Variants in LMNB2 observed in about 807,000 individuals in gnomAD.
LMNB2 encodes lamin-B2.
In LMNB2, 17 loss-of-function variants were observed where a neutral mutation model predicts 69.3. The observed-to-expected ratio is 0.25, with a 90% CI of 0.17 to 0.37. The LOEUF (loss-of-function observed/expected upper bound fraction) is 0.37. Ranked by LOEUF, LMNB2 falls within the 10% of genes least tolerant of loss-of-function variation. LMNB2 has a pLI of 1.00. For missense variants in LMNB2, 789 were observed against 883.6 expected, an observed-to-expected ratio of 0.89 and a Z score of 1.36; for synonymous variants, 397 against 389.3, an observed-to-expected ratio of 1.02 and a Z score of -0.23.
At chr19:2,444,334 G>T in intron 2 of LMNB2, 70 bp downstream of exon 2, 1 of 1,584,148 alleles carries the variant, frequency 6.3e-7, no homozygotes, top group Non-Finnish European at 8.6e-7. Context: ...CGAGCCCAGC[G>T]CCCACCTGCC....
At chr19:2,450,731 G>A (rs1972012492) in intron 1 of LMNB2, among the ~76,000 whole-genome samples, 2 of 151,900 alleles carry the variant, frequency 1.3e-5, no homozygotes, top group Non-Finnish European at 2.9e-5. Flanking sequence ...TCTGCTTCCC[G>A]GGTTCAAGCG....
chr19:2,439,447 A>C (rs1971868459), intron 2 of LMNB2, among the ~76,000 whole-genome samples: 1 of 152,088 alleles, frequency 6.6e-6, no homozygotes, highest in Non-Finnish European at 1.5e-5. Context: ...GGTCCTAGGC[A>C]CTGCAGGGTG....
chr19:2,444,142 C>T, intron 2 of LMNB2, among the ~76,000 whole-genome samples: 1 of 152,204 alleles, frequency 6.6e-6, no homozygotes, highest in Non-Finnish European at 1.5e-5. Context: ...AGGAAGCCCT[C>T]TCTGGGGAGG....
At chr19:2,444,606 G>C in intron 1 of LMNB2, 66 bp from the exon 2 acceptor site, 1 of 1,586,992 alleles carries the variant, frequency 6.3e-7, no homozygotes. Context: ...CAGTCAGGGG[G>C]CCCGGCCACT....
At chr19:2,450,121 C>CATATACATATACATATACATATAT (rs1972004089) in intron 1 of LMNB2, among the ~76,000 whole-genome samples, 7 of 142,364 alleles carry the variant, frequency 4.9e-5, no homozygotes, top group African/African-American at 1.3e-4. Flanking sequence ...TATATATACA[C>CATATACATATACATATACATATAT]ATATATATAT....
intron 1 of LMNB2, among the ~76,000 whole-genome samples, chr19:2,450,138 C>G (rs762923413): frequency 4.6e-5 from 6 of 129,268 alleles, no homozygotes; most frequent in African/African-American, 7.0e-5. Context: ...ATATATATTC[C>G]ATTAAAACAT....
chr19:2,438,585 G>A (rs1971856552), intron 2 of LMNB2, 54 bp from the exon 3 acceptor site: 1 of 1,589,194 alleles, frequency 6.3e-7, no homozygotes, highest in East Asian at 2.3e-5. Context: ...TGGGGCCACA[G>A]GGAGCACCTC....
At position 2,434,823 on chromosome 19, in the gene LMNB2, A is replaced by G; in HGVS notation, c.946T>C (p.Ser316Pro). 1 of 1,608,264 alleles carries G rather than the reference A, an allele frequency of 6.2e-7. No individual in the cohort carries two copies. The highest frequency in any genetic ancestry group is 8.5e-7 in the Non-Finnish European group (1 of 1,178,900). ...ELKEARMRLE[S>P]LSYQLSGLQK... Reference sequence around the variant, plus strand: ...AGGCCGGAGAGCTGGTAGCTGAGGGACTCCAGGCGCATGCGGGCCTCCTTC... The same window carrying G: ...AGGCCGGAGAGCTGGTAGCTGAGGGGCTCCAGGCGCATGCGGGCCTCCTTC... Residue 316 changes from serine to proline, a missense_variant, in exon 6 of 12, where the codon TCC becomes CCC. This residue lies in a region of LMNB2 where 609 missense variants were observed against 630.9 expected (regional missense o/e 0.97). Transcript: ENST00000325327.
intron 4 of LMNB2, among the ~76,000 whole-genome samples, chr19:2,436,294 A>G (rs1034225572): frequency 6.6e-6 from 1 of 152,164 alleles, no homozygotes; most frequent in Non-Finnish European, 1.5e-5. Context: ...AAAGAAAAAA[A>G]TTAGCTGGGT....
intron 6 of LMNB2, 54 bp from the exon 7 acceptor site, chr19:2,434,569 A>G: frequency 6.3e-7 from 1 of 1,581,346 alleles, no homozygotes. Flanking sequence ...CACAAGGCCC[A>G]GGTGATCCTG....
intron 2 of LMNB2, among the ~76,000 whole-genome samples, chr19:2,442,839 A>G (rs1400626561): frequency 6.6e-6 from 1 of 152,084 alleles, no homozygotes; most frequent in Non-Finnish European, 1.5e-5. Context: ...GGCACTGTGT[A>G]CCATTTTCTT....
chr19:2,432,727 C>G (rs1335999754), intron 8 of LMNB2, among the ~76,000 whole-genome samples: 1 of 151,008 alleles, frequency 6.6e-6, no homozygotes, highest in African/African-American at 2.4e-5. Context: ...CCTGGTCACC[C>G]CCATCAGCTA....
In LMNB2 at chr19:2,431,408, A is replaced by AGGCTGGCTTCACCCTGAGCCAC. The variant is rs1438447315; in HGVS notation, c.1821+118_1821+139dup. 1.0e-5 allele frequency: 11 copies of AGGCTGGCTTCACCCTGAGCCAC among 1,082,406 alleles called. No individual in the cohort carries two copies. In the African/African-American group the frequency reaches 1.2e-4, roughly 12 times the overall value. 67.1% of individuals were successfully genotyped at this position (1,082,406 alleles called of 1,614,324 possible). A position where few individuals can be genotyped will look rare whatever the true frequency, so the allele number is the denominator to read the frequency against. ...GTCTCTGCCGTGCTGGTAACAGCCA[A>AGGCTGGCTTCACCCTGAGCCAC]GGCTGGCTTCACCCTGAGCCACGGC... On this transcript the variant is annotated intron_variant, in intron 11 of 11. Coordinates refer to ENST00000325327, the MANE Select transcript of LMNB2 (RefSeq NM_032737.4).
Position 2,434,915 on chromosome 19 carries a change from T to A in LMNB2, c.856-2A>T. 6.2e-7 allele frequency: 1 copy of A among 1,602,198 alleles called. No individual in the cohort carries two copies. Among genetic ancestry groups the A allele is most frequent in the Middle Eastern group, 1.7e-4 (1 of 5,782 alleles). ...AGAGCTCAGCTTGGCGCTGTCCAGC[T>A]GTGGGGAGACGGGCGGGTGAGTGCG... On this transcript the variant is annotated splice_acceptor_variant, in intron 5 of 11. Coordinates refer to ENST00000325327, the MANE Select transcript of LMNB2 (RefSeq NM_032737.4). LOFTEE classifies it high-confidence loss of function.
intron 1 of LMNB2, among the ~76,000 whole-genome samples, chr19:2,449,882 C>G (rs901961066): frequency 6.6e-6 from 1 of 151,874 alleles, no homozygotes; most frequent in African/African-American, 2.4e-5. Flanking sequence ...TCGAGACCAG[C>G]CTGACCAACA....
chr19:2,456,185 G>C (rs950138333), intron 1 of LMNB2, among the ~76,000 whole-genome samples: 2 of 149,384 alleles, frequency 1.3e-5, no homozygotes, highest in Non-Finnish European at 3.0e-5. Context: ...CCCCGAGGCC[G>C]GACTGTCCCC....
intron 2 of LMNB2, 108 bp from the exon 3 acceptor site, chr19:2,438,639 C>G: frequency 7.3e-7 from 1 of 1,371,068 alleles, no homozygotes; most frequent in Non-Finnish European, 1.0e-6. Context: ...CCGAGGCCTC[C>G]GAGCCCCAGA....
chr19:2,444,791 C>G (rs1971935467), intron 1 of LMNB2, among the ~76,000 whole-genome samples: 1 of 152,230 alleles, frequency 6.6e-6, no homozygotes, highest in Non-Finnish European at 1.5e-5. Flanking sequence ...ATCCCAGGAG[C>G]CTCCTCCTCT....
At chr19:2,450,421 G>A (rs1168507568) in intron 1 of LMNB2, among the ~76,000 whole-genome samples, 1 of 150,700 alleles carries the variant, frequency 6.6e-6, no homozygotes, top group Non-Finnish European at 1.5e-5. Context: ...GGGAGCAGTG[G>A]CTCACAGCTG....
Sources: gnomAD v4.1 joint callset for allele counts (sites outside exome capture counted in the v4.1 genomes callset) on GRCh38, gnomAD v4.1.1 for gene constraint, gnomAD v4.1.1 regional missense constraint, MANE v1.5 for transcripts, NCBI Gene and HGNC (gene_info 2026-07-23, HGNC 2026-07-21) for gene names.